DLG2: variants seen among roughly 807,000 people sequenced by gnomAD.
DLG2 encodes the protein discs large MAGUK scaffold protein 2.
In DLG2, 45 loss-of-function variants were observed where a neutral mutation model predicts 132.5. The observed-to-expected ratio is 0.34, with a 90% CI of 0.27 to 0.44. The LOEUF (loss-of-function observed/expected upper bound fraction) is 0.44, where lower values mean the gene tolerates loss of function less well. DLG2 is among the 20% of genes least tolerant of loss of function. DLG2 has a pLI of 1.00. For synonymous variants in DLG2, 424 were observed against 419.6 expected, an observed-to-expected ratio of 1.01 and a Z score of -0.13; for missense variants, 1,045 against 1,196.9, an observed-to-expected ratio of 0.87 and a Z score of 1.87.
intron 3 of DLG2, among the ~76,000 whole-genome samples, chr11:85,295,380 A>G (rs1170804695): frequency 1.3e-5 from 2 of 152,188 alleles, no homozygotes; most frequent in African/African-American, 2.4e-5. Flanking sequence ...GAAGAAAGAA[A>G]TTAGCATTTG....
chr11:85,362,545 C>T (rs1322914938), intron 3 of DLG2, among the ~76,000 whole-genome samples: 1 of 151,732 alleles, frequency 6.6e-6, no homozygotes, highest in Non-Finnish European at 1.5e-5. Flanking sequence ...GATATAAGAT[C>T]ATATCATCAG....
intron 3 of DLG2, among the ~76,000 whole-genome samples, chr11:85,458,008 G>A (rs1390188570): frequency 6.6e-6 from 1 of 152,126 alleles, no homozygotes; most frequent in Non-Finnish European, 1.5e-5. Flanking sequence ...AGCTTTCACA[G>A]GTGATATTCT....
intron 18 of DLG2, among the ~76,000 whole-genome samples, chr11:83,659,751 T>C (rs1381636792): frequency 6.6e-6 from 1 of 152,224 alleles, no homozygotes; most frequent in African/African-American, 2.4e-5. Context: ...ATCCACACAC[T>C]ATAAGAACAC....
intron 18 of DLG2, among the ~76,000 whole-genome samples, chr11:83,753,790 TATATG>T (rs1451111684): frequency 1.0e-4 from 12 of 119,306 alleles, no homozygotes; most frequent in South Asian, 2.4e-4. Context: ...ATATGTCATA[TATATG>T]ATATATCATA....
intron 6 of DLG2, among the ~76,000 whole-genome samples, chr11:84,994,801 T>C (rs1461667659): frequency 2.6e-5 from 4 of 152,178 alleles, no homozygotes; most frequent in East Asian, 1.9e-4. Context: ...ATGGGGGTTA[T>C]TGAAGAAACA....
chr11:84,221,868 T>C (rs1340808683), intron 8 of DLG2, among the ~76,000 whole-genome samples: 1 of 152,058 alleles, frequency 6.6e-6, no homozygotes, highest in African/African-American at 2.4e-5. Flanking sequence ...AACATTAAAA[T>C]TGAAATATAT....
At chr11:84,009,667 G>A (rs778377131) in intron 11 of DLG2, among the ~76,000 whole-genome samples, 3 of 152,068 alleles carry the variant, frequency 2.0e-5, no homozygotes, top group Non-Finnish European at 4.4e-5. Flanking sequence ...ATGCTGTGCA[G>A]TGTGGAGTTT....
chr11:84,224,711 A>G (rs111473444), intron 8 of DLG2, among the ~76,000 whole-genome samples: 4,592 of 152,270 alleles, frequency 0.03, 83 homozygotes, highest in South Asian at 0.078. Flanking sequence ...GGCTTGAGTC[A>G]ATGCTCTTAA....
Position 85,259,662 on chromosome 11 carries a change from T to C in DLG2, c.186+25558A>G, listed in dbSNP as rs551937744. Among the ~76,000 whole-genome samples the C allele has an allele frequency of 7.2e-5, 11 of 151,952 alleles. No homozygotes were observed. The East Asian group carries it at 2.2e-3, about 30-fold the overall frequency. The stretch of plus-strand genomic sequence containing the variant: ...GCTTGCTTGAATCTGGCCCATCCCA[T>C]CACCTGGACTCCTATAAAGCTTCCC... On this transcript the variant is annotated intron_variant, in intron 4 of 27. Coordinates refer to ENST00000376104, the MANE Select transcript of DLG2 (RefSeq NM_001142699.3).
chr11:84,820,405 T>A (rs7937351), intron 6 of DLG2, among the ~76,000 whole-genome samples: 7,400 of 151,874 alleles, frequency 0.049, 334 homozygotes, highest in East Asian at 0.23. Flanking sequence ...GCTGCTGGAG[T>A]GCTTTTGAAA....
At chr11:85,014,054 A>G (rs776950408) in intron 6 of DLG2, among the ~76,000 whole-genome samples, 2 of 152,228 alleles carry the variant, frequency 1.3e-5, no homozygotes, top group Non-Finnish European at 2.9e-5. Context: ...TCCAATATCA[A>G]GAAATCTAGA....
chr11:85,235,274 C>G (rs1286073780), intron 4 of DLG2, among the ~76,000 whole-genome samples: 5 of 151,890 alleles, frequency 3.3e-5, no homozygotes, highest in Non-Finnish European at 7.4e-5. Flanking sequence ...CTCAAATGTA[C>G]CTATCAAGTA....
intron 11 of DLG2, among the ~76,000 whole-genome samples, chr11:84,008,630 A>G (rs1040357538): frequency 6.6e-6 from 1 of 151,886 alleles, no homozygotes; most frequent in African/African-American, 2.4e-5. Context: ...TTTTGATAAT[A>G]GAGAGAGAAG....
At chr11:85,472,854 A>G (rs540388949) in intron 3 of DLG2, among the ~76,000 whole-genome samples, 10 of 152,342 alleles carry the variant, frequency 6.6e-5, no homozygotes, top group African/African-American at 2.4e-4. Context: ...GAGCTGTAAC[A>G]CAAACTAACT....
chr11:83,873,673 AATAG>A (rs1325461919), intron 16 of DLG2, among the ~76,000 whole-genome samples: 1 of 152,214 alleles, frequency 6.6e-6, no homozygotes, highest in Non-Finnish European at 1.5e-5. Flanking sequence ...TTGGTAGATA[AATAG>A]ATAGAGCCTG....
intron 7 of DLG2, among the ~76,000 whole-genome samples, chr11:84,378,252 C>T (rs2098736854): frequency 6.6e-6 from 1 of 152,076 alleles, no homozygotes; most frequent in African/African-American, 2.4e-5. Flanking sequence ...TTCTCTTGCT[C>T]TCTGTCTTTC....
chr11:83,772,593 G>GAGGAAGAAAGGAAGGA (rs925635277), intron 18 of DLG2, among the ~76,000 whole-genome samples: 1 of 151,492 alleles, frequency 6.6e-6, no homozygotes, highest in Admixed American at 6.6e-5. Context: ...AAAAGAGAGA[G>GAGGAAGAAAGGAAGGA]AGGAAGAAAG....
chr11:85,052,470 T>A (rs533477015), intron 6 of DLG2, among the ~76,000 whole-genome samples: 22 of 152,334 alleles, frequency 1.4e-4, no homozygotes, highest in African/African-American at 5.3e-4. Context: ...ATTATATACC[T>A]TGAAAACTGT....
At chr11:85,010,811 T>C (rs986223891) in intron 6 of DLG2, among the ~76,000 whole-genome samples, 5 of 152,156 alleles carry the variant, frequency 3.3e-5, no homozygotes, top group African/African-American at 1.2e-4. Context: ...CTAATTGCTT[T>C]TGGTTTCCAC....
Sources: gnomAD v4.1 joint callset for allele counts (sites outside exome capture counted in the v4.1 genomes callset) on GRCh38, gnomAD v4.1.1 for gene constraint, MANE v1.5 for transcripts, NCBI Gene and HGNC (gene_info 2026-07-23, HGNC 2026-07-21) for gene names.